Variants in MEI4 observed in about 807,000 individuals in gnomAD.
MEI4 encodes the protein meiotic double-stranded break formation protein 4.
MEI4 carries 27 observed loss-of-function variants against 31.4 expected under a neutral mutation model. That is an observed-to-expected ratio of 0.86 (90% CI 0.63 to 1.19). The LOEUF (loss-of-function observed/expected upper bound fraction) is 1.19. MEI4 is among the 50% of genes most tolerant of loss of function. The pLI is 0.00. For missense variants in MEI4, 329 were observed against 398.9 expected (o/e 0.82, Z 1.49); for synonymous variants, 122 against 145.4 (o/e 0.84, Z 1.16).
At chr6:77,855,272 G>T (rs1582219059) in intron 4 of MEI4, among the ~76,000 whole-genome samples, 1 of 152,208 alleles carries the variant, frequency 6.6e-6, no homozygotes, top group South Asian at 2.1e-4. Context: ...TTCAACCTGG[G>T]AGGCAGAGGT....
chr6:77,873,662 C>G (rs1212916447), intron 4 of MEI4, among the ~76,000 whole-genome samples: 5 of 152,094 alleles, frequency 3.3e-5, no homozygotes, highest in African/African-American at 9.7e-5. Context: ...TGGTGTTTTA[C>G]ACATGAAGTC....
chr6:77,797,341 G>C (rs769696849), intron 3 of MEI4, among the ~76,000 whole-genome samples: 2 of 152,152 alleles, frequency 1.3e-5, no homozygotes, highest in Non-Finnish European at 2.9e-5. Flanking sequence ...AAGTGGGACT[G>C]CATCAACCTA....
intron 3 of MEI4, among the ~76,000 whole-genome samples, chr6:77,771,110 A>G (rs1225549314): frequency 6.6e-6 from 1 of 152,118 alleles, no homozygotes; most frequent in African/African-American, 2.4e-5. Context: ...AAACAACACT[A>G]TTACGAGTTG....
At position 77,918,870 on chromosome 6, in the gene MEI4, GT is replaced by G. The variant is rs543692670; in HGVS notation, c.901-4214del. Reference sequence around the variant, plus strand: ...CCAGTTTTCAAAGAGAATGCTTCCAGTTTTTGCCCATTCAGTATGATATTGG... The same window carrying G: ...CCAGTTTTCAAAGAGAATGCTTCCAGTTTTGCCCATTCAGTATGATATTGG... On this transcript the variant is annotated intron_variant, in intron 4 of 4. Coordinates refer to ENST00000684080, the MANE Select transcript of MEI4 (RefSeq NM_001322247.2). Among the ~76,000 whole-genome samples, 928 of 152,150 alleles carry G rather than the reference GT, an allele frequency of 6.1e-3. 7 individuals carry two copies. The highest frequency in any genetic ancestry group is 0.02 in the African/African-American group (842 of 41,522).
intron 3 of MEI4, among the ~76,000 whole-genome samples, chr6:77,827,459 G>A (rs567758138): frequency 1.0e-4 from 15 of 150,342 alleles, no homozygotes; most frequent in Non-Finnish European, 1.5e-4. Context: ...GCTGCTATCT[G>A]TAGCAACAAA....
At chr6:77,922,360 CTG>C (rs1284864569) in intron 4 of MEI4, among the ~76,000 whole-genome samples, 1 of 151,640 alleles carries the variant, frequency 6.6e-6, no homozygotes, top group African/African-American at 2.4e-5. Context: ...ATTTCCTTGA[CTG>C]TGGAATAGTG....
At chr6:77,705,829 T>C (rs182146988) in intron 2 of MEI4, among the ~76,000 whole-genome samples, 1 of 152,344 alleles carries the variant, frequency 6.6e-6, no homozygotes, top group East Asian at 1.9e-4. Flanking sequence ...TTTGTTAGCA[T>C]TGGTATAGTA....
At chr6:77,853,996 A>G (rs953523811) in intron 4 of MEI4, among the ~76,000 whole-genome samples, 5 of 152,172 alleles carry the variant, frequency 3.3e-5, no homozygotes, top group African/African-American at 1.2e-4. Context: ...TGTAAATGTC[A>G]GTTCTTGTTG....
intron 2 of MEI4, among the ~76,000 whole-genome samples, chr6:77,699,106 C>T (rs937625932): frequency 6.6e-6 from 1 of 152,082 alleles, no homozygotes; most frequent in African/African-American, 2.4e-5. Flanking sequence ...TGAGCCTTGG[C>T]CTTCAGCTCC....
chr6:77,903,226 C>G (rs1037573329), intron 4 of MEI4, among the ~76,000 whole-genome samples: 1 of 151,942 alleles, frequency 6.6e-6, no homozygotes, highest in Non-Finnish European at 1.5e-5. Flanking sequence ...TGATGGTTAA[C>G]TTACAAAATT....
At chr6:77,787,116 C>A (rs1051317057) in intron 3 of MEI4, among the ~76,000 whole-genome samples, 1 of 152,054 alleles carries the variant, frequency 6.6e-6, no homozygotes, top group African/African-American at 2.4e-5. Context: ...ACATTGTGTT[C>A]CCAGAGGCAG....
intron 4 of MEI4, among the ~76,000 whole-genome samples, chr6:77,893,670 G>A (rs943212953): frequency 2.6e-5 from 4 of 152,156 alleles, no homozygotes; most frequent in African/African-American, 9.7e-5. Flanking sequence ...GCATCAATAA[G>A]CCAAAGTCCC....
chr6:77,874,422 A>T (rs1000612515), intron 4 of MEI4, among the ~76,000 whole-genome samples: 1 of 152,198 alleles, frequency 6.6e-6, no homozygotes, highest in African/African-American at 2.4e-5. Context: ...TTATTGGTGT[A>T]TAAGAATGCT....
intron 4 of MEI4, among the ~76,000 whole-genome samples, chr6:77,918,685 T>G (rs1360853040): frequency 6.6e-6 from 1 of 151,948 alleles, no homozygotes; most frequent in Non-Finnish European, 1.5e-5. Flanking sequence ...CAATGGGGTT[T>G]TCCAGATATA....
chr6:77,735,738 C>G (rs1026779753), intron 2 of MEI4, among the ~76,000 whole-genome samples: 3 of 152,012 alleles, frequency 2.0e-5, no homozygotes, highest in African/African-American at 7.3e-5. Context: ...AGTTTTTCTG[C>G]TTTGTTTTTT....
chr6:77,685,321 T>A (rs942064903), intron 1 of MEI4, among the ~76,000 whole-genome samples: 2 of 151,906 alleles, frequency 1.3e-5, no homozygotes, highest in African/African-American at 4.8e-5. Flanking sequence ...ACTTTTTTTT[T>A]TTTTTTTTGC....
At chr6:77,833,034 T>C (rs1770122899) in intron 4 of MEI4, among the ~76,000 whole-genome samples, 1 of 152,170 alleles carries the variant, frequency 6.6e-6, no homozygotes, top group Admixed American at 6.6e-5. Context: ...ACTTATGCAA[T>C]GTTGAAGATA....
chr6:77,838,142 A>G (rs942160933), intron 4 of MEI4, among the ~76,000 whole-genome samples: 7 of 152,210 alleles, frequency 4.6e-5, no homozygotes, highest in Non-Finnish European at 8.8e-5. Flanking sequence ...ATAAAAATGA[A>G]TGTTGTTAGA....
In MEI4 at chr6:77,761,431, A is replaced by T; in HGVS notation, c.534A>T (p.Lys178Asn). Residue 178 changes from lysine to asparagine, a missense_variant, in exon 3 of 5, where the codon AAA becomes AAT. Physicochemically the swap from Lys to Asn is moderately conservative, Grantham distance 94. Transcript: ENST00000684080. ...AAAGAGACTTAACCCACTTTGAAAAAGACTCTTCCACAGTCTCTGATTCTG... is the reference window on the plus strand; with the variant it reads ...AAAGAGACTTAACCCACTTTGAAAATGACTCTTCCACAGTCTCTGATTCTG... ...NLKRDLTHFE[K>N]DSSTVSDSVF... 8.1e-7 allele frequency: 1 copy of T among 1,232,138 alleles called. No individual in the cohort carries two copies. Among genetic ancestry groups the T allele is most frequent in the Non-Finnish European group, 1.0e-6 (1 of 987,922 alleles). 76.3% of individuals were successfully genotyped at this position (1,232,138 alleles called of 1,614,324 possible). A position where few individuals can be genotyped will look rare whatever the true frequency, so the allele number is the denominator to read the frequency against.
Sources: allele counts gnomAD v4.1 joint callset (sites outside exome capture counted in the v4.1 genomes callset), GRCh38; gene constraint gnomAD v4.1.1; transcripts MANE v1.5; gene names NCBI Gene and HGNC (gene_info 2026-07-23, HGNC 2026-07-21).